The following COL14A1 variants were observed in gnomAD, a reference collection of about 807,000 sequenced individuals.
COL14A1 encodes collagen alpha-1(XIV) chain.
Under a neutral mutation model 230.3 loss-of-function variants are expected in COL14A1, and 136 were observed. The ratio of observed to expected loss-of-function variants is 0.59; its 90% CI spans 0.51 to 0.68. The LOEUF (loss-of-function observed/expected upper bound fraction) is 0.68. COL14A1 is among the 30% of genes least tolerant of loss of function. The pLI, the probability that COL14A1 is intolerant of heterozygous loss-of-function variation, is 0.00. For missense variants in COL14A1, 1,976 were observed against 2,215.8 expected, an observed-to-expected ratio of 0.89 and a Z score of 2.17; for synonymous variants, 792 against 784.1, an observed-to-expected ratio of 1.01 and a Z score of -0.17.
At chr8:120,244,603 C>A (rs1236079779) in intron 20 of COL14A1, among the ~76,000 whole-genome samples, 3 of 152,160 alleles carry the variant, frequency 2.0e-5, no homozygotes, top group African/African-American at 7.2e-5. Context: ...ATCTTCATAG[C>A]TTATCTCCCA....
At chr8:120,278,386 A>G in intron 27 of COL14A1, 49 bp from the exon 28 acceptor site, 1 of 1,580,296 alleles carries the variant, frequency 6.3e-7, no homozygotes, top group Admixed American at 1.9e-5. Context: ...CTCCAGAAAA[A>G]CAAAAATGGG....
Position 120,321,432 on chromosome 8 carries a change from C to T in COL14A1, c.4659+5435C>T, listed in dbSNP as rs1224391825. On this transcript the variant is annotated intron_variant, in intron 40 of 47. Coordinates refer to ENST00000297848, the MANE Select transcript of COL14A1 (RefSeq NM_021110.4). ...GAGGCAGGTGGATCACAAGGTCAGG[C>T]GTTCAAGACAAGCCTGGCCAACATG... Among the ~76,000 whole-genome samples the T allele has an allele frequency of 3.3e-5, 5 of 151,784 alleles. No individual in the cohort carries two copies. In the East Asian group the frequency reaches 7.7e-4, roughly 23 times the overall value.
chr8:120,370,553 G>C lies in COL14A1; in HGVS notation c.5312-599G>C, dbSNP rs530804978. ...TGCCCACTCTGCTCCAAACATGATG[G>C]AGTGATAACATCGGAACTTAACCAA... On this transcript the variant is annotated intron_variant, in intron 47 of 47. Transcript: ENST00000297848. The C allele has an allele frequency of 5.5e-6, 8 of 1,463,460 alleles. No individual in the cohort carries two copies. The African/African-American group carries it at 9.9e-5, about 18-fold the overall frequency. The allele number at this position is 1,463,460 out of a possible 1,614,324, so 90.7% of individuals were successfully genotyped here. A position where few individuals can be genotyped will look rare whatever the true frequency, so the allele number is the denominator to read the frequency against.
intron 43 of COL14A1, 34 bp from the exon 44 acceptor site, chr8:120,342,346 G>C (rs767192759): frequency 3.0e-5 from 49 of 1,607,970 alleles, no homozygotes; most frequent in Non-Finnish European, 4.1e-5. Flanking sequence ...TGGGCTTGTA[G>C]CTGAGTCAGG....
upstream of COL14A1, among the ~76,000 whole-genome samples, chr8:120,124,720 C>T (rs2130349663): frequency 6.6e-6 from 1 of 152,244 alleles, no homozygotes; most frequent in Non-Finnish European, 1.5e-5. Flanking sequence ...CGCGGGAAGG[C>T]AAAGTCTGTC....
Position 120,325,916 on chromosome 8 carries a change from T to C in COL14A1, c.4660-6225T>C, listed in dbSNP as rs1821651184. On this transcript the variant is annotated intron_variant, in intron 40 of 47. Coordinates refer to ENST00000297848, the MANE Select transcript of COL14A1 (RefSeq NM_021110.4). ...TGGGACGTGCAAGTACTTTTTTAGC[T>C]GTTAATAGTTGAAGACCATTCAATG... Among the ~76,000 whole-genome samples, 5 of 152,230 alleles carry C rather than the reference T, an allele frequency of 3.3e-5. No individual in the cohort carries two copies. The South Asian group carries it at 1.0e-3, about 31-fold the overall frequency.
chr8:120,150,054 C>G (rs1420713319), intron 2 of COL14A1, among the ~76,000 whole-genome samples: 3 of 152,114 alleles, frequency 2.0e-5, no homozygotes, highest in Admixed American at 2.0e-4. Context: ...GTTCAAGATA[C>G]AAAGCTAAAT....
At chr8:120,162,274 C>T (rs1266035002) in intron 3 of COL14A1, 152 bp from the exon 4 acceptor site, 1 of 542,982 alleles carries the variant, frequency 1.8e-6, no homozygotes. Context: ...GATGTACACT[C>T]TAAATATATA....
intron 42 of COL14A1, among the ~76,000 whole-genome samples, chr8:120,339,081 C>T (rs1822190021): frequency 6.6e-6 from 1 of 152,222 alleles, no homozygotes; most frequent in South Asian, 2.1e-4. Flanking sequence ...GCCTCAGCCT[C>T]CCGAGTAGCT....
At chr8:120,228,930 A>T in intron 18 of COL14A1, among the ~76,000 whole-genome samples, 161 bp downstream of exon 18, 1 of 151,820 alleles carries the variant, frequency 6.6e-6, no homozygotes, top group Non-Finnish European at 1.5e-5. Context: ...GCCTCTCAAC[A>T]CCTTCCTTGC....
chr8:120,185,265 G>A (rs979725351), intron 5 of COL14A1, among the ~76,000 whole-genome samples: 4 of 152,222 alleles, frequency 2.6e-5, no homozygotes, highest in Non-Finnish European at 5.9e-5. Flanking sequence ...TCCCACAGCA[G>A]TGACCATCTG....
chr8:120,291,418 G>A (rs530028996), intron 34 of COL14A1, among the ~76,000 whole-genome samples: 16 of 151,836 alleles, frequency 1.1e-4, no homozygotes, highest in African/African-American at 2.2e-4. Flanking sequence ...AAAATTAGCC[G>A]GATGTGGTGG....
chr8:120,342,311 A>C, intron 43 of COL14A1, 69 bp from the exon 44 acceptor site: 1 of 1,495,244 alleles, frequency 6.7e-7, no homozygotes, highest in South Asian at 1.1e-5. Context: ...TCAGATCCAC[A>C]TCCTGGAAGT....
At chr8:120,324,333 A>C (rs61053965) in intron 40 of COL14A1, among the ~76,000 whole-genome samples, 1 of 152,168 alleles carries the variant, frequency 6.6e-6, no homozygotes, top group African/African-American at 2.4e-5. Flanking sequence ...ATACATTTTT[A>C]ATGTGTGTGT....
intron 45 of COL14A1, among the ~76,000 whole-genome samples, chr8:120,365,234 T>G (rs1823370006): frequency 6.6e-6 from 1 of 152,164 alleles, no homozygotes; most frequent in Non-Finnish European, 1.5e-5. Flanking sequence ...CCAGATATCC[T>G]CTTCTGCCTG....
chr8:120,309,136 C>T (rs1240676801), intron 36 of COL14A1, among the ~76,000 whole-genome samples: 2 of 151,954 alleles, frequency 1.3e-5, no homozygotes, highest in South Asian at 2.1e-4. Flanking sequence ...GGTGTTTCAC[C>T]GTGTTAGCCA....
intron 37 of COL14A1, among the ~76,000 whole-genome samples, chr8:120,311,274 G>C (rs6469913): frequency 0.47 from 71,103 of 151,874 alleles, 17,034 homozygotes; most frequent in African/African-American, 0.58. Context: ...GGGTGCACTG[G>C]ATCTTCCTCA....
chr8:120,340,609 G>A (rs116539472), intron 42 of COL14A1, among the ~76,000 whole-genome samples: 3 of 152,264 alleles, frequency 2.0e-5, no homozygotes, highest in Admixed American at 6.5e-5. Context: ...CTGAAGACAC[G>A]TGTTTTGCAT....
chr8:120,307,941 G>A (rs528910176), intron 36 of COL14A1, among the ~76,000 whole-genome samples: 2 of 152,220 alleles, frequency 1.3e-5, no homozygotes, highest in East Asian at 3.9e-4. Context: ...TTCACTTAAG[G>A]GATATGTAAG....
Sources: allele counts gnomAD v4.1 joint callset (sites outside exome capture counted in the v4.1 genomes callset), GRCh38; gene constraint gnomAD v4.1.1; transcripts MANE v1.5; gene names NCBI Gene and HGNC (gene_info 2026-07-23, HGNC 2026-07-21).